The following C2 variants were observed in gnomAD, a reference collection of about 807,000 sequenced individuals.
C2 encodes complement C2.
C2 carries 64 observed loss-of-function variants against 85.2 expected under a neutral mutation model. The ratio of observed to expected loss-of-function variants is 0.75; its 90% confidence interval spans 0.61 to 0.92. The LOEUF is 0.92. Among genes scored for constraint, C2 ranks in the 40% least tolerant of loss-of-function variants. The pLI, the probability that C2 is intolerant of heterozygous loss-of-function variation, is 0.00. For missense variants in C2, 820 were observed against 971.6 expected (o/e 0.84, Z 2.07); for synonymous variants, 311 against 370.8 (o/e 0.84, Z 1.85).
At chr6:31,931,189 T>C (rs1769706622) in intron 3 of C2, among the ~76,000 whole-genome samples, 1 of 152,214 alleles carries the variant, frequency 6.6e-6, no homozygotes, top group Non-Finnish European at 1.5e-5. Context: ...TTACAATTTA[T>C]CCATTCCCCT....
In C2 at chr6:31,945,562, G is replaced by A. The variant is rs918371244; in HGVS notation, c.*205G>A. ...GGACTGCCTCGCTGCCCCACCTCCC[G>A]CTCCTTGGCCTGTCCCCAGATTCCT... On this transcript the variant is annotated 3_prime_UTR_variant, in exon 18 of 18. Transcript: ENST00000299367. The surrounding 1 kb of genome is among the most constrained non-coding windows in gnomAD (Gnocchi z 5.3). 6.5e-6 allele frequency: 4 copies of A among 617,782 alleles called. No individual in the cohort carries two copies. The highest frequency in any genetic ancestry group is 1.2e-5 in the Non-Finnish European group (4 of 343,650). The allele number at this position is 617,782 out of a possible 1,614,324, so 38.3% of individuals were successfully genotyped here. A position where few individuals can be genotyped will look rare whatever the true frequency, so the allele number is the denominator to read the frequency against.
At chr6:31,924,103 G>A (rs886353876), upstream of C2, among the ~76,000 whole-genome samples, 2 of 152,176 alleles carry the variant, frequency 1.3e-5, no homozygotes, top group African/African-American at 4.8e-5. Flanking sequence ...CCCGGCCTCT[G>A]AGGCTCTTAT....
chr6:31,898,139 G>A (rs1266510187), upstream of C2, among the ~76,000 whole-genome samples: 1 of 152,190 alleles, frequency 6.6e-6, no homozygotes, highest in Non-Finnish European at 1.5e-5. Context: ...GGACGCGGAG[G>A]ACACCTTTAT....
Position 31,944,821 on chromosome 6 carries a change from G to GT in C2, c.1998dup (p.Gly667TrpfsTer6). ...GTGGTGACAGACCAGTTCCTATGCA[G>GT]TGGGACCCAGGAGGATGAGAGTCCC... On this transcript the variant is annotated frameshift_variant, in exon 16 of 18. Coordinates refer to ENST00000299367, the MANE Select transcript of C2 (RefSeq NM_000063.6). LOFTEE classifies it high-confidence loss of function. This position sits in a 1 kb window ranked among gnomAD's most constrained non-coding sequence, Gnocchi z 5.1. 1 of 1,613,090 alleles carries GT rather than the reference G, an allele frequency of 6.2e-7. No homozygotes were observed.
intron 5 of C2, 58 bp from the exon 6 acceptor site, chr6:31,934,108 T>G: frequency 6.2e-7 from 1 of 1,600,626 alleles, no homozygotes; most frequent in Non-Finnish European, 8.6e-7. Context: ...TGGACCTGCT[T>G]GGCGAGAGCG....
At chr6:31,942,888 A>G in intron 9 of C2, 71 bp from the exon 10 acceptor site, 3 of 1,596,320 alleles carry the variant, frequency 1.9e-6, no homozygotes, top group Non-Finnish European at 2.6e-6. Context: ...TGAGTTTCAG[A>G]TGACAGCCTC....
Position 31,943,812 on chromosome 6 carries a change from G to T in C2, c.1733+3G>T. On this transcript the variant is annotated splice_donor_region_variant and intron_variant, in intron 13 of 17. Transcript: ENST00000299367. This position sits in a 1 kb window ranked among gnomAD's most constrained non-coding sequence, Gnocchi z 6.4. The stretch of plus-strand genomic sequence containing the variant: ...GTAAAGATGTCCACCCATGCCAGGT[G>T]CCTGGAGTCTGGGATGGGAGGGTGC... 1 of 1,613,024 alleles carries T rather than the reference G, an allele frequency of 6.2e-7. No individual in the cohort carries two copies. The highest frequency in any genetic ancestry group is 8.5e-7 in the Non-Finnish European group (1 of 1,179,986).
In C2 at chr6:31,920,382, AGAG is replaced by A. The variant is rs1286069301; in HGVS notation, c.-100+357_-100+359del. 6.6e-6 allele frequency among the ~76,000 whole-genome samples: 1 copy of A among 152,152 alleles called. No individual in the cohort carries two copies. The highest frequency in any genetic ancestry group is 1.5e-5 in the Non-Finnish European group (1 of 68,014). ...ACTCCCCAGGATAAAGGAAAACATT[AGAG>A]AGGAATTTTCAATGAAAGGGCAGAG... is the stretch of plus-strand genomic sequence containing the variant. On this transcript the variant is annotated intron_variant, in intron 1 of 3. Transcript: ENST00000413154. The surrounding 1 kb of genome is among the most constrained non-coding windows in gnomAD (Gnocchi z 5.6).
chr6:31,945,234 C>T lies in C2; in HGVS notation c.2136C>T (p.Asn712=), dbSNP rs1421370084. 3 of 1,612,858 alleles carry T rather than the reference C, an allele frequency of 1.9e-6. No individual in the cohort carries two copies. The highest frequency in any genetic ancestry group is 1.3e-5 in the African/African-American group (1 of 74,884). The change falls in exon 18 of 18, where the codon AAC becomes AAT. Residue 712 remains asparagine, a synonymous_variant. Transcript: ENST00000299367. This position sits in a 1 kb window ranked among gnomAD's most constrained non-coding sequence, Gnocchi z 5.3. Reference sequence around the variant, plus strand: ...CCTGCCTTGGCTCTGCTGACAAAAACTCCCGCAAAAGGGCCCCTCGTAGCA... The same window carrying T: ...CCTGCCTTGGCTCTGCTGACAAAAATTCCCGCAAAAGGGCCCCTCGTAGCA... The part of the protein sequence containing the change: ...YNPCLGSADK[N]SRKRAPRSKV...
At position 31,939,293 on chromosome 6, in the gene C2, A is replaced by G. The variant is rs1373937055; in HGVS notation, c.1192A>G (p.Ile398Val). ...TGACCATATCAGAGAGATCCTGAACATCAACCAGAAGAGGAATGACTATCT... is the reference window on the plus strand; with the variant it reads ...TGACCATATCAGAGAGATCCTGAACGTCAACCAGAAGAGGAATGACTATCT... ...AVDHIREILNINQKRNDYLDI... is the reference protein window; with the variant it reads ...AVDHIREILNVNQKRNDYLDI... The change falls in exon 9 of 18, where the codon ATC (isoleucine) becomes GTC (valine). Residue 398 changes from isoleucine (I) to valine (V), a missense_variant. By Grantham distance (29) the Ile-to-Val change is conservative. Transcript: ENST00000299367. 2 of 1,612,584 alleles carry G rather than the reference A, an allele frequency of 1.2e-6. No homozygotes were observed. Among genetic ancestry groups the G allele is most frequent in the Non-Finnish European group, 1.7e-6 (2 of 1,179,872 alleles).
chr6:31,901,523 G>A (rs1767267787), intron 1 of C2, among the ~76,000 whole-genome samples: 1 of 151,970 alleles, frequency 6.6e-6, no homozygotes, highest in South Asian at 2.1e-4. Flanking sequence ...GGGCGGGGCA[G>A]CGGCGTCCAC....
At chr6:31,937,561 G>A (rs1770534382) in intron 8 of C2, 102 bp downstream of exon 8, 1 of 1,471,302 alleles carries the variant, frequency 6.8e-7, no homozygotes, top group Non-Finnish European at 9.5e-7. Context: ...GCCACTTTGG[G>A]CCCCAGTTTT....
intron 1 of C2, among the ~76,000 whole-genome samples, chr6:31,914,618 T>C (rs1221451859): frequency 7.8e-6 from 1 of 127,450 alleles, no homozygotes. Context: ...CTATAGTTAA[T>C]GAACAAGCAA....
upstream of C2, among the ~76,000 whole-genome samples, chr6:31,898,643 C>CTTTTTTT (rs75322477): frequency 1.5e-5 from 2 of 135,676 alleles, no homozygotes; most frequent in Non-Finnish European, 3.2e-5. Flanking sequence ...CCAAACTTAG[C>CTTTTTTT]TTTTTTTTTT....
upstream of C2, chr6:31,899,721 CT>C: frequency 1.7e-6 from 1 of 590,890 alleles, no homozygotes. Flanking sequence ...TCCAAGAACC[CT>C]TTTCCCAGCT....
At chr6:31,913,771 C>T (rs1276134724) in intron 1 of C2, among the ~76,000 whole-genome samples, 25 of 151,892 alleles carry the variant, frequency 1.6e-4, no homozygotes, top group Non-Finnish European at 1.6e-4. Flanking sequence ...CTCAGGCTCC[C>T]GTGTAGCTGG....
rs1375908751 is a variant in C2 at position 31,936,050 on chromosome 6, C to T, written c.977C>T (p.Ala326Val). Reference protein sequence around the residue: ...MTEVISSLENANYKDHENGTG... With the variant: ...MTEVISSLENVNYKDHENGTG... ...GAGGTGATCAGCAGCCTGGAAAATGCCAACTATAAAGGTACGGGTGTCATC... is the reference window on the plus strand; with the variant it reads ...GAGGTGATCAGCAGCCTGGAAAATGTCAACTATAAAGGTACGGGTGTCATC... Residue 326 changes from alanine (A) to valine (V), a missense_variant, in exon 7 of 18, where the codon GCC becomes GTC. Physicochemically the swap from Ala to Val is moderately conservative, Grantham distance 64 (BLOSUM62 0). Coordinates refer to ENST00000299367, the MANE Select transcript of C2 (RefSeq NM_000063.6). 7 of 1,612,916 alleles carry T rather than the reference C, an allele frequency of 4.3e-6. No homozygotes were observed. The highest frequency in any genetic ancestry group is 2.2e-5 in the South Asian group (2 of 91,080).
upstream of C2, among the ~76,000 whole-genome samples, chr6:31,925,962 C>T (rs1236597988): frequency 1.3e-5 from 2 of 152,182 alleles, no homozygotes; most frequent in Non-Finnish European, 2.9e-5. Context: ...GCATGTTGCC[C>T]TCATCCTCCT....
rs935394580 is a variant in C2 at position 31,935,653 on chromosome 6, A to G, written c.850-270A>G. On this transcript the variant is annotated intron_variant, in intron 6 of 17. Coordinates refer to ENST00000299367, the MANE Select transcript of C2 (RefSeq NM_000063.6). This position sits in a 1 kb window ranked among gnomAD's most constrained non-coding sequence, Gnocchi z 4.3. ...CCAGGCTAATTTTTGTATTTTTAGT[A>G]GAGATGGGTTTTGCCATGTTGGTCA... Among the ~76,000 whole-genome samples, 1 of 151,958 alleles carries G rather than the reference A, an allele frequency of 6.6e-6. No homozygotes were observed. Among genetic ancestry groups the G allele is most frequent in the Non-Finnish European group, 1.5e-5 (1 of 67,984 alleles).
Sources: allele counts gnomAD v4.1 joint callset (sites outside exome capture counted in the v4.1 genomes callset), GRCh38; gene constraint gnomAD v4.1.1; non-coding constraint Gnocchi (gnomAD v3.1); transcripts MANE v1.5; gene names NCBI Gene and HGNC (gene_info 2026-07-23, HGNC 2026-07-21).